Variants in NT5C1B observed in about 807,000 individuals in gnomAD.
NT5C1B encodes cytosolic 5'-nucleotidase 1B.
In NT5C1B, 44 loss-of-function variants were observed where a neutral mutation model predicts 57.8. The observed-to-expected ratio is 0.76, with a 90% CI of 0.60 to 0.98. The LOEUF is 0.98. Ranked by LOEUF, NT5C1B falls within the 50% of genes least tolerant of loss-of-function variation. NT5C1B has a pLI of 0.00. For synonymous variants in NT5C1B, 284 were observed against 282.6 expected (o/e 1.00, Z -0.05); for missense variants, 742 against 719.5 (o/e 1.03, Z -0.36).
intron 3 of NT5C1B, among the ~76,000 whole-genome samples, chr2:18,585,891 C>A (rs1023291722): frequency 6.6e-6 from 1 of 152,066 alleles, no homozygotes; most frequent in Non-Finnish European, 1.5e-5. Flanking sequence ...AAGCCCCACA[C>A]AATCTGACAC....
intron 8 of NT5C1B, 111 bp downstream of exon 8, chr2:18,576,073 A>C: frequency 8.6e-7 from 1 of 1,156,128 alleles, no homozygotes; most frequent in Non-Finnish European, 1.2e-6. Flanking sequence ...AGTAAGAAGG[A>C]GTGCCCTGCC....
chr2:18,573,263 G>A (rs1442673074), intron 8 of NT5C1B, among the ~76,000 whole-genome samples: 2 of 152,142 alleles, frequency 1.3e-5, no homozygotes, highest in Non-Finnish European at 2.9e-5. Flanking sequence ...TTGATGGGGT[G>A]TGGAGATAGG....
chr2:18,564,011 T>A (rs921558161), exon 9 of NT5C1B: 1 of 1,614,036 alleles, frequency 6.2e-7, no homozygotes, highest in African/African-American at 1.3e-5. Context: ...CTGGCTGCAC[T>A]CCTAGCTGTA....
At chr2:18,583,844 T>G (rs202177197) in intron 5 of NT5C1B, 4 of 690,662 alleles carry the variant, frequency 5.8e-6, no homozygotes, top group African/African-American at 1.8e-5. Flanking sequence ...ACAAGTCTCA[T>G]GATTAGGACT....
At chr2:18,583,928 G>T in intron 5 of NT5C1B, 160 bp downstream of exon 5, 2 of 1,260,762 alleles carry the variant, frequency 1.6e-6, no homozygotes, top group Non-Finnish European at 2.3e-6. Flanking sequence ...CTGGAAGCCT[G>T]TGCGAAATCA....
intron 2 of NT5C1B, chr2:18,586,858 CT>C (rs1400988596): frequency 2.0e-6 from 3 of 1,469,100 alleles, no homozygotes; most frequent in Non-Finnish European, 2.7e-6. Context: ...AGCCCTCAAG[CT>C]TTTCTTTTAG....
Position 18,584,492 on chromosome 2 carries a change from C to T in NT5C1B, c.723+22G>A, listed in dbSNP as rs201112506. Reference sequence around the variant, plus strand: ...CTGCAAGGAAGGGCGCCCCGGCTGCCAGGGGCGGCGGGCTGGCTCACCGGC... The same window carrying T: ...CTGCAAGGAAGGGCGCCCCGGCTGCTAGGGGCGGCGGGCTGGCTCACCGGC... On this transcript the variant is annotated intron_variant, in intron 4 of 8. Coordinates refer to ENST00000304081, the Ensembl canonical transcript of NT5C1B. This position sits in a 1 kb window ranked among gnomAD's most constrained non-coding sequence, Gnocchi z 5.8. 4 of 1,600,684 alleles carry T rather than the reference C, an allele frequency of 2.5e-6. No individual in the cohort carries two copies. The highest frequency in any genetic ancestry group is 8.5e-7 in the Non-Finnish European group (1 of 1,174,346).
chr2:18,567,163 T>C (rs770760863), intron 8 of NT5C1B, among the ~76,000 whole-genome samples: 2 of 151,996 alleles, frequency 1.3e-5, no homozygotes, highest in African/African-American at 2.4e-5. Context: ...AGTGGGGTGA[T>C]AGAATAAAGC....
intron 6 of NT5C1B, among the ~76,000 whole-genome samples, chr2:18,577,388 C>A (rs1665783069): frequency 7.2e-6 from 1 of 137,976 alleles, no homozygotes; most frequent in South Asian, 2.3e-4. Flanking sequence ...CGCGCCACTG[C>A]ACTCCAGCCT....
chr2:18,589,250 A>G (rs1392406281), intron 1 of NT5C1B, among the ~76,000 whole-genome samples, 189 bp downstream of exon 1: 1 of 152,172 alleles, frequency 6.6e-6, no homozygotes, highest in Non-Finnish European at 1.5e-5. Context: ...AATTTCTTTT[A>G]AATTTCTCCT....
At position 18,587,523 on chromosome 2, in the gene NT5C1B, C is replaced by CT; in HGVS notation, c.99dup (p.Gly34ArgfsTer30). On this transcript the variant is annotated frameshift_variant, in exon 2 of 9. Coordinates refer to ENST00000304081, the Ensembl canonical transcript of NT5C1B. LOFTEE classifies it high-confidence loss of function. ...CTCACCTGATTGCTCAGACGAACTC[C>CT]TGTTTTGTCAGATTCCTTTCTTTTT... 1 of 1,613,972 alleles carries CT rather than the reference C, an allele frequency of 6.2e-7. No individual in the cohort carries two copies. Among genetic ancestry groups the CT allele is most frequent in the Non-Finnish European group, 8.5e-7 (1 of 1,180,032 alleles).
intron 8 of NT5C1B, among the ~76,000 whole-genome samples, chr2:18,568,337 T>TA (rs1199597766): frequency 3.3e-5 from 5 of 152,070 alleles, no homozygotes; most frequent in African/African-American, 1.2e-4. Context: ...AAAAATAAAA[T>TA]ATTGTTTTAA....
intron 8 of NT5C1B, among the ~76,000 whole-genome samples, chr2:18,565,208 TGTTA>T (rs1664535451): frequency 2.0e-5 from 3 of 152,190 alleles, no homozygotes; most frequent in Non-Finnish European, 4.4e-5. Context: ...TTCCATTTTT[TGTTA>T]GTTACATAAT....
Position 18,584,654 on chromosome 2 carries a change from C to CGGT in NT5C1B, c.582_583insACC (p.Pro194_Ala195insThr), listed in dbSNP as rs1666516033. 1 of 1,612,670 alleles carries CGGT rather than the reference C, an allele frequency of 6.2e-7. No individual in the cohort carries two copies. Among genetic ancestry groups the CGGT allele is most frequent in the South Asian group, 1.1e-5 (1 of 90,824 alleles). The stretch of plus-strand genomic sequence containing the variant: ...GAGTTGCGGTCCAGCTGGGTGGAGG[C>CGGT]GGGGTAGATCCCCCTGCGCTGGCTG... On this transcript the variant is annotated inframe_insertion, in exon 4 of 9. Transcript: ENST00000304081. This position sits in a 1 kb window ranked among gnomAD's most constrained non-coding sequence, Gnocchi z 5.8.
At position 18,563,920 on chromosome 2, in the gene NT5C1B, T is replaced by C. The variant is rs937248379; in HGVS notation, c.1529A>G (p.Lys510Arg). ...CCGGATCTTCACCAAGATGGGACTT[T>C]TGGGGGCTCCAGCAAGGAAAAGAGC... Residue 510 changes from lysine (K) to arginine (R), a missense_variant, in exon 9 of 9, where the codon AAA (lysine) becomes AGA (arginine). Lys to Arg is a conservative substitution (Grantham distance 26). Transcript: ENST00000304081. 4 of 1,614,152 alleles carry C rather than the reference T, an allele frequency of 2.5e-6. No homozygotes were observed. In the South Asian group the frequency reaches 4.4e-5, roughly 18 times the overall value.
intron 8 of NT5C1B, among the ~76,000 whole-genome samples, chr2:18,571,718 GTATATATA>G (rs59799495): frequency 0.037 from 4,123 of 110,954 alleles, 147 homozygotes; most frequent in East Asian, 0.071. Flanking sequence ...CTGTGTGTGT[GTATATATA>G]TATATATATA....
At chr2:18,570,271 T>G (rs937606806) in intron 8 of NT5C1B, among the ~76,000 whole-genome samples, 1 of 152,024 alleles carries the variant, frequency 6.6e-6, no homozygotes, top group Non-Finnish European at 1.5e-5. Flanking sequence ...AAATTAACAG[T>G]CTCAGCTTCC....
chr2:18,574,305 A>C (rs1274887367), intron 8 of NT5C1B, among the ~76,000 whole-genome samples: 1 of 152,146 alleles, frequency 6.6e-6, no homozygotes, highest in Non-Finnish European at 1.5e-5. Context: ...TTATTATAGA[A>C]GACAAAACAA....
At chr2:18,577,040 G>C (rs1665748778) in intron 6 of NT5C1B, 145 bp from the exon 7 acceptor site, 1 of 1,376,128 alleles carries the variant, frequency 7.3e-7, no homozygotes, top group Admixed American at 2.7e-5. Flanking sequence ...AGTTACCTTA[G>C]AAATAAACTT....
Sources: allele counts gnomAD v4.1 joint callset (sites outside exome capture counted in the v4.1 genomes callset), GRCh38; gene constraint gnomAD v4.1.1; non-coding constraint Gnocchi (gnomAD v3.1); transcripts MANE v1.5; gene names NCBI Gene and HGNC (gene_info 2026-07-23, HGNC 2026-07-21).